The following NRG3 variants were observed in gnomAD, a reference collection of about 807,000 sequenced individuals.
The protein encoded by NRG3 is neuregulin 3.
Under a neutral mutation model 66.9 loss-of-function variants are expected in NRG3, and 31 were observed. The observed-to-expected ratio is 0.46, with a 90% CI of 0.35 to 0.63. The LOEUF is 0.63. NRG3 is among the 20% of genes least tolerant of loss of function. The probability of loss-of-function intolerance (pLI) is 0.00; values close to 1 mark genes in which losing one functional copy is unlikely to be tolerated. For missense variants in NRG3, 910 were observed against 878.9 expected (o/e 1.04, Z -0.45); for synonymous variants, 393 against 359.4 (o/e 1.09, Z -1.06).
At chr10:82,523,584 A>G (rs1043144887) in intron 2 of NRG3, among the ~76,000 whole-genome samples, 4 of 151,582 alleles carry the variant, frequency 2.6e-5, no homozygotes, top group Non-Finnish European at 4.4e-5. Flanking sequence ...GCCTTTTTTC[A>G]TTATTGAACT....
chr10:82,345,593 C>T (rs1277123546), intron 1 of NRG3, among the ~76,000 whole-genome samples: 2 of 151,220 alleles, frequency 1.3e-5, no homozygotes, highest in Non-Finnish European at 2.9e-5. Context: ...TTTTCCAATT[C>T]TGTGAAGAAA....
chr10:82,539,425 A>AT, intron 2 of NRG3, among the ~76,000 whole-genome samples: 1 of 152,140 alleles, frequency 6.6e-6, no homozygotes, highest in East Asian at 1.9e-4. Context: ...ATTTATTTGT[A>AT]TTTTATGTAA....
At chr10:82,263,597 TA>T (rs1379908690) in intron 1 of NRG3, among the ~76,000 whole-genome samples, 1 of 152,122 alleles carries the variant, frequency 6.6e-6, no homozygotes. Flanking sequence ...CTTTTCTTTT[TA>T]TACTACATAC....
intron 2 of NRG3, among the ~76,000 whole-genome samples, chr10:82,550,967 C>A (rs1351208655): frequency 1.3e-5 from 2 of 152,150 alleles, no homozygotes; most frequent in Middle Eastern, 3.4e-3. Context: ...CTACCAGATC[C>A]CCACACCCTC....
intron 4 of NRG3, among the ~76,000 whole-genome samples, chr10:82,914,981 T>A (rs1353614814): frequency 6.6e-6 from 1 of 152,118 alleles, no homozygotes; most frequent in Non-Finnish European, 1.5e-5. Context: ...GCCAGATGCA[T>A]TAGGGGATTT....
At chr10:82,074,729 T>C (rs1184639592) in intron 1 of NRG3, among the ~76,000 whole-genome samples, 1 of 152,112 alleles carries the variant, frequency 6.6e-6, no homozygotes, top group Non-Finnish European at 1.5e-5. Context: ...CTTAGCTACT[T>C]AGGAGGCGGA....
intron 1 of NRG3, among the ~76,000 whole-genome samples, chr10:81,964,996 A>G (rs1442218553): frequency 1.3e-5 from 2 of 152,232 alleles, no homozygotes. Flanking sequence ...ACATATTAAA[A>G]TGTAACATTT....
rs77478222 is a variant in NRG3 at position 82,260,061 on chromosome 10, A to G, written c.824-98678A>G. ...TACTTTCTATTCCCTGTCCCACAAAATACGCATTCATTTCTAAGGCTGAAA... is the reference window on the plus strand; with the variant it reads ...TACTTTCTATTCCCTGTCCCACAAAGTACGCATTCATTTCTAAGGCTGAAA... On this transcript the variant is annotated intron_variant, in intron 1 of 8. Transcript: ENST00000372141. Among the ~76,000 whole-genome samples the G allele has an allele frequency of 1.6e-4, 25 of 152,328 alleles. No homozygotes were observed. In the East Asian group the frequency reaches 4.8e-3, roughly 29 times the overall value.
chr10:82,210,382 A>G (rs752574224), intron 1 of NRG3, among the ~76,000 whole-genome samples: 28 of 152,298 alleles, frequency 1.8e-4, no homozygotes, highest in Middle Eastern at 3.4e-3. Context: ...GAAGGCGGCT[A>G]TGTGACTTGA....
chr10:82,914,846 C>A (rs542062213), intron 4 of NRG3, among the ~76,000 whole-genome samples: 6 of 151,804 alleles, frequency 4.0e-5, no homozygotes, highest in African/African-American at 1.4e-4. Flanking sequence ...TTAGAGGAAG[C>A]TGTAATTGGG....
intron 1 of NRG3, among the ~76,000 whole-genome samples, chr10:81,952,079 C>A (rs1012278125): frequency 1.4e-5 from 2 of 142,954 alleles, no homozygotes; most frequent in Non-Finnish European, 3.1e-5. Flanking sequence ...CATCACACAC[C>A]GGGGCCTGTT....
At chr10:82,055,628 T>A (rs2063809518) in intron 1 of NRG3, among the ~76,000 whole-genome samples, 1 of 152,024 alleles carries the variant, frequency 6.6e-6, no homozygotes, top group Non-Finnish European at 1.5e-5. Flanking sequence ...ATTTTTTCTA[T>A]AAAAGGAGCA....
chr10:82,960,475 T>C (rs1024963683), intron 6 of NRG3, among the ~76,000 whole-genome samples: 6 of 152,084 alleles, frequency 3.9e-5, no homozygotes, highest in African/African-American at 1.4e-4. Flanking sequence ...TTTTTTTTTT[T>C]TTTTTTTGAG....
At chr10:82,700,791 A>C (rs1235023332) in intron 2 of NRG3, among the ~76,000 whole-genome samples, 3 of 152,156 alleles carry the variant, frequency 2.0e-5, no homozygotes, top group Non-Finnish European at 4.4e-5. Flanking sequence ...TCTAGGAAGA[A>C]TGCAAGGAGT....
At chr10:82,572,653 C>G (rs1350944729) in intron 2 of NRG3, among the ~76,000 whole-genome samples, 1 of 151,170 alleles carries the variant, frequency 6.6e-6, no homozygotes, top group Non-Finnish European at 1.5e-5. Context: ...TTATTTTTGG[C>G]CCTTATTCCT....
In NRG3 at chr10:82,574,880, A is replaced by G. The variant is rs750947395; in HGVS notation, c.954-163697A>G. On this transcript the variant is annotated intron_variant, in intron 2 of 8. Coordinates refer to ENST00000372141, the MANE Select transcript of NRG3 (RefSeq NM_001010848.4). Reference sequence around the variant, plus strand: ...TTTACATGTGAAATTTAAAAAGTCAAATTCTTAGAAGCAAAGAGTAGAATG... The same window carrying G: ...TTTACATGTGAAATTTAAAAAGTCAGATTCTTAGAAGCAAAGAGTAGAATG... 3.2e-4 allele frequency among the ~76,000 whole-genome samples: 49 copies of G among 151,872 alleles called. No individual in the cohort carries two copies. The Middle Eastern group carries it at 0.01, about 32-fold the overall frequency.
intron 1 of NRG3, among the ~76,000 whole-genome samples, chr10:81,954,809 T>G (rs1849671983): frequency 2.0e-5 from 3 of 152,148 alleles, no homozygotes; most frequent in African/African-American, 7.2e-5. Context: ...TCACAAGCAG[T>G]CCTGCTCATA....
At chr10:82,397,934 C>T (rs2086818468) in intron 2 of NRG3, among the ~76,000 whole-genome samples, 1 of 152,142 alleles carries the variant, frequency 6.6e-6, no homozygotes, top group Non-Finnish European at 1.5e-5. Flanking sequence ...GCTTTGGGGG[C>T]ATCTGCTGTT....
chr10:82,268,281 T>C (rs971754644), intron 1 of NRG3, among the ~76,000 whole-genome samples: 4 of 152,160 alleles, frequency 2.6e-5, no homozygotes, highest in African/African-American at 9.6e-5. Context: ...CTGTGAGACC[T>C]GAGGCTTCAA....
Sources: allele counts gnomAD v4.1 joint callset (sites outside exome capture counted in the v4.1 genomes callset), GRCh38; gene constraint gnomAD v4.1.1; transcripts MANE v1.5; gene names NCBI Gene and HGNC (gene_info 2026-07-23, HGNC 2026-07-21).